The following CKAP5 variants were observed in gnomAD, a reference collection of about 807,000 sequenced individuals.
CKAP5 encodes the protein cytoskeleton associated protein 5, also known as cytoskeleton-associated protein 5.
Under a neutral mutation model 232.8 loss-of-function variants are expected in CKAP5, and 27 were observed. The ratio of observed to expected loss-of-function variants is 0.12; its 90% confidence interval spans 0.09 to 0.16. The LOEUF (loss-of-function observed/expected upper bound fraction) is 0.16. Ranked by LOEUF, CKAP5 falls within the 10% of genes least tolerant of loss-of-function variation. CKAP5 has a pLI of 1.00. For missense variants in CKAP5, 1,838 were observed against 2,424.7 expected, an observed-to-expected ratio of 0.76 and a Z score of 5.08; for synonymous variants, 785 against 841.1, an observed-to-expected ratio of 0.93 and a Z score of 1.16.
At position 46,762,010 on chromosome 11, in the gene CKAP5, A is replaced by G; in HGVS notation, c.4211T>C (p.Leu1404Pro). 1 of 1,610,034 alleles carries G rather than the reference A, an allele frequency of 6.2e-7. No homozygotes were observed. The highest frequency in any genetic ancestry group is 8.5e-7 in the Non-Finnish European group (1 of 1,177,556). Reference sequence around the variant, plus strand: ...AGAGAAGTCACTCACATTTCCAATCAGTTTGAACACCTGATCCCCATGTAC... The same window carrying G: ...AGAGAAGTCACTCACATTTCCAATCGGTTTGAACACCTGATCCCCATGTAC... ...YNVHGDQVFK[L>P]IGNLSEKDMS... is the part of the protein sequence containing the mutation. The change falls in exon 32 of 44, where the codon CTG becomes CCG. Residue 1404 changes from leucine to proline, a missense_variant. Around this residue, in one of 6 missense-constraint regions of CKAP5, gnomAD observed 579 missense variants for 843.2 expected, o/e 0.69. Coordinates refer to ENST00000529230, the MANE Select transcript of CKAP5 (RefSeq NM_001008938.4).
intron 42 of CKAP5, among the ~76,000 whole-genome samples, chr11:46,748,399 CGGAAA>C (rs1055649302): frequency 2.0e-5 from 3 of 152,040 alleles, no homozygotes; most frequent in African/African-American, 7.2e-5. Context: ...AATTTCCTGA[CGGAAA>C]GGAAGAGAAG....
chr11:46,818,408 T>A lies in CKAP5; in HGVS notation c.153A>T (p.Gly51=). The A allele has an allele frequency of 1.2e-6, 2 of 1,611,978 alleles. No individual in the cohort carries two copies. The highest frequency in any genetic ancestry group is 2.2e-5 in the South Asian group (2 of 90,714). Residue 51 remains glycine (G), a synonymous_variant, in exon 3 of 44, where the codon GGA becomes GGT. Transcript: ENST00000529230. ...EKSPEWSKFL[G]LIKKFVTDSN... ...AATCAGTGACAAATTTTTTGATCAA[T>A]CCTAAAAATTTGGACCACTCTGGGC... is the stretch of plus-strand genomic sequence containing the variant.
chr11:46,751,651 G>T, intron 38 of CKAP5, 117 bp from the exon 39 acceptor site: 1 of 820,276 alleles, frequency 1.2e-6, no homozygotes, highest in Non-Finnish European at 1.9e-6. Flanking sequence ...CTATAAATGT[G>T]GCACATCATA....
Position 46,822,986 on chromosome 11 carries a change from G to A in CKAP5, c.-37-1718C>T, listed in dbSNP as rs79902617. On this transcript the variant is annotated intron_variant, in intron 1 of 43. Transcript: ENST00000529230. ...CCTATCTTCTTTTTTTTGAGACAGC[G>A]TCTTGCTCTGTCGTCCAGGCTGGAG... Among the ~76,000 whole-genome samples the A allele has an allele frequency of 8.4e-4, 127 of 151,866 alleles. 1 individual carries two copies. Among genetic ancestry groups the A allele is most frequent in the Middle Eastern group, 3.4e-3 (1 of 294 alleles).
intron 42 of CKAP5, among the ~76,000 whole-genome samples, chr11:46,749,246 G>A (rs1282395686): frequency 1.3e-5 from 2 of 151,842 alleles, no homozygotes. Flanking sequence ...CCTGAGGTCA[G>A]GAGTTCAAGA....
chr11:46,777,406 G>T, intron 23 of CKAP5, 33 bp downstream of exon 23: 1 of 1,377,008 alleles, frequency 7.3e-7, no homozygotes, highest in Non-Finnish European at 1.0e-6. Context: ...GCCTATTCCA[G>T]AATGGAGGCA....
intron 20 of CKAP5, 119 bp downstream of exon 20, chr11:46,780,072 ATCC>A (rs2065326499): frequency 2.8e-6 from 3 of 1,055,848 alleles, no homozygotes; most frequent in Middle Eastern, 3.0e-4. Context: ...CACTTAAGCA[ATCC>A]TCCTTCCTCA....
At chr11:46,817,740 G>A (rs896087481) in intron 3 of CKAP5, among the ~76,000 whole-genome samples, 3 of 152,006 alleles carry the variant, frequency 2.0e-5, no homozygotes, top group African/African-American at 7.2e-5. Flanking sequence ...TCAGGTCTAT[G>A]AGGTATGGGA....
intron 1 of CKAP5, among the ~76,000 whole-genome samples, chr11:46,841,267 C>CAAAA (rs763747323): frequency 9.5e-6 from 1 of 105,560 alleles, no homozygotes; most frequent in Non-Finnish European, 2.0e-5. Context: ...AATTCTGTCT[C>CAAAA]AAAAAAAAAA....
intron 1 of CKAP5, among the ~76,000 whole-genome samples, chr11:46,822,139 C>T (rs1939548905): frequency 6.6e-6 from 1 of 151,490 alleles, no homozygotes; most frequent in Admixed American, 6.6e-5. Context: ...ATTAGCCAGG[C>T]GTAGTGGTGT....
At chr11:46,820,383 T>C (rs999744721) in intron 2 of CKAP5, among the ~76,000 whole-genome samples, 1 of 152,192 alleles carries the variant, frequency 6.6e-6, no homozygotes, top group African/African-American at 2.4e-5. Context: ...TCCAAATTTC[T>C]ACTCTACATA....
At chr11:46,796,224 A>T (rs1938871789) in intron 12 of CKAP5, among the ~76,000 whole-genome samples, 1 of 151,974 alleles carries the variant, frequency 6.6e-6, no homozygotes, top group Non-Finnish European at 1.5e-5. Context: ...AACAAAAAAG[A>T]TAAATTATCT....
At chr11:46,789,682 G>A (rs779902873) in intron 15 of CKAP5, among the ~76,000 whole-genome samples, 1 of 152,010 alleles carries the variant, frequency 6.6e-6, no homozygotes, top group African/African-American at 2.4e-5. Context: ...TGTAGTCCCA[G>A]CTACTTAGGA....
intron 3 of CKAP5, among the ~76,000 whole-genome samples, 200 bp downstream of exon 3, chr11:46,818,110 T>C (rs1939444791): frequency 6.6e-6 from 1 of 152,138 alleles, no homozygotes; most frequent in Non-Finnish European, 1.5e-5. Context: ...TATTTCTAAT[T>C]TACTCCTCTA....
chr11:46,837,171 T>C (rs938265986), intron 1 of CKAP5, among the ~76,000 whole-genome samples: 1 of 152,194 alleles, frequency 6.6e-6, no homozygotes, highest in Non-Finnish European at 1.5e-5. Context: ...TGTATATCCA[T>C]ATATAATGGA....
intron 4 of CKAP5, among the ~76,000 whole-genome samples, chr11:46,815,778 A>G (rs946428892): frequency 3.3e-5 from 5 of 152,162 alleles, no homozygotes; most frequent in African/African-American, 7.2e-5. Context: ...TGGCATGCCA[A>G]GTCAAATTCT....
At chr11:46,786,589 G>C (rs1460144293) in intron 16 of CKAP5, among the ~76,000 whole-genome samples, 1 of 152,140 alleles carries the variant, frequency 6.6e-6, no homozygotes, top group Non-Finnish European at 1.5e-5. Flanking sequence ...AATACCAGCT[G>C]GGGGAACCCA....
chr11:46,783,213 G>C (rs1214307415), intron 18 of CKAP5, 61 bp downstream of exon 18: 4 of 957,434 alleles, frequency 4.2e-6, no homozygotes, highest in Non-Finnish European at 6.7e-6. Flanking sequence ...ATTATAAACA[G>C]CACGACTTAG....
In CKAP5 at chr11:46,816,304, C is replaced by T. The variant is rs775739523; in HGVS notation, c.352G>A (p.Glu118Lys). 2.5e-6 allele frequency: 4 copies of T among 1,614,118 alleles called. No individual in the cohort carries two copies. The East Asian group carries it at 6.7e-5, about 27-fold the overall frequency. Residue 118 changes from glutamate to lysine, a missense_variant, in exon 4 of 44, where the codon GAG becomes AAG. Glu to Lys is a moderately conservative substitution (Grantham distance 56). Around this residue, in one of 6 missense-constraint regions of CKAP5, gnomAD observed 285 missense variants for 300.0 expected, o/e 0.95. Coordinates refer to ENST00000529230, the MANE Select transcript of CKAP5 (RefSeq NM_001008938.4). ...TGAACAGCCTCTCCTTTCTCAATCT[C>T]TATGTACATAAGACAGATCTCTATG... ...LGIEICLMYI[E>K]IEKGEAVQEE...
Sources: allele counts gnomAD v4.1 joint callset (sites outside exome capture counted in the v4.1 genomes callset), GRCh38; gene constraint gnomAD v4.1.1; regional missense constraint gnomAD v4.1.1; transcripts MANE v1.5; gene names NCBI Gene and HGNC (gene_info 2026-07-23, HGNC 2026-07-21).